Variants in ARMC2 observed in about 807,000 individuals in gnomAD.
ARMC2 encodes the protein armadillo repeat-containing protein 2.
In ARMC2, 67 loss-of-function variants were observed where a neutral mutation model predicts 90.3. That is an observed-to-expected ratio of 0.74 (90% CI 0.61 to 0.91). ARMC2 has a LOEUF of 0.91. Among genes scored for constraint, ARMC2 ranks in the 40% least tolerant of loss-of-function variants. The pLI is 0.00. For missense variants in ARMC2, 920 were observed against 1,030.9 expected (o/e 0.89, Z 1.47); for synonymous variants, 393 against 393.0 (o/e 1.00, Z 0.00).
rs1251657490 is a variant in ARMC2, at chr6:108,911,053, T to G, written c.1126+52T>G. 5.2e-6 allele frequency: 6 copies of G among 1,144,666 alleles called. No individual in the cohort carries two copies. The African/African-American group carries it at 9.5e-5, about 18-fold the overall frequency. 70.9% of individuals were successfully genotyped at this position (1,144,666 alleles called of 1,614,324 possible). A position where few individuals can be genotyped will look rare whatever the true frequency, so the allele number is the denominator to read the frequency against. ...AGCAAATGCTGTACTTGAGTAAAAA[T>G]TAGAAGTCTGGAGAGAAAATATATA... On this transcript the variant is annotated intron_variant, in intron 9 of 17. Transcript: ENST00000392644.
chr6:109,037,285 T>G, the ARMC2 span, among the ~76,000 whole-genome samples: 13 of 152,190 alleles, frequency 8.5e-5, no homozygotes, highest in African/African-American at 3.1e-4. Context: ...AAAAATTTTG[T>G]TTTTTCTCTT....
chr6:109,024,055 T>C, the ARMC2 span, among the ~76,000 whole-genome samples: 4 of 152,150 alleles, frequency 2.6e-5, no homozygotes, highest in African/African-American at 7.2e-5. Context: ...ACTATTGATA[T>C]AGCAACATTT....
intron 8 of ARMC2, chr6:108,907,777 A>T: frequency 2.5e-6 from 4 of 1,610,652 alleles, no homozygotes; most frequent in Non-Finnish European, 3.4e-6. Flanking sequence ...CGAAAATGCC[A>T]CTAGGGCTGA....
chr6:109,025,851 T>A, the ARMC2 span, among the ~76,000 whole-genome samples: 2 of 151,542 alleles, frequency 1.3e-5, no homozygotes, highest in African/African-American at 4.8e-5. Context: ...GTCTAATACA[T>A]ATATAATTGG....
the ARMC2 span, among the ~76,000 whole-genome samples, chr6:108,989,439 C>G: frequency 6.2e-5 from 9 of 146,254 alleles, no homozygotes; most frequent in Non-Finnish European, 1.4e-4. Context: ...ATATCTAGAT[C>G]TAGATACATC....
chr6:108,987,804 A>C, the ARMC2 span, among the ~76,000 whole-genome samples: 1 of 106,620 alleles, frequency 9.4e-6, no homozygotes, highest in African/African-American at 4.1e-5. Context: ...AACAGCAGCT[A>C]TCTTTTTTTT....
intron 13 of ARMC2, among the ~76,000 whole-genome samples, chr6:108,955,774 C>T (rs555951903): frequency 1.3e-5 from 2 of 152,334 alleles, no homozygotes; most frequent in South Asian, 2.1e-4. Context: ...AACCTCAAAA[C>T]GTTCAGCATT....
chr6:109,012,660 G>A, the ARMC2 span, among the ~76,000 whole-genome samples: 3 of 152,116 alleles, frequency 2.0e-5, no homozygotes, highest in Non-Finnish European at 4.4e-5. Flanking sequence ...GAAAATTTGG[G>A]GGAGAGTTTG....
intron 17 of ARMC2, among the ~76,000 whole-genome samples, chr6:108,968,507 T>C (rs975014628): frequency 2.0e-5 from 3 of 152,196 alleles, no homozygotes; most frequent in Admixed American, 6.5e-5. Context: ...CCATGGGGAC[T>C]GTGCCTTGTG....
chr6:108,872,559 C>T (rs1776530390), intron 4 of ARMC2, among the ~76,000 whole-genome samples: 2 of 152,128 alleles, frequency 1.3e-5, no homozygotes, highest in African/African-American at 4.8e-5. Flanking sequence ...TGGGTGGATG[C>T]GAGGCCCTCA....
chr6:108,989,523 A>C, the ARMC2 span, among the ~76,000 whole-genome samples: 1 of 148,672 alleles, frequency 6.7e-6, no homozygotes, highest in South Asian at 2.1e-4. Context: ...ATATAGAGAG[A>C]TATCTATAGA....
downstream of ARMC2, chr6:108,974,554 C>T (rs911891911): frequency 1.3e-5 from 2 of 152,180 alleles, no homozygotes; most frequent in African/African-American, 4.8e-5. Flanking sequence ...CTGGCTCACA[C>T]CTGTAATTCA....
chr6:108,975,831 C>T (rs1216399565), downstream of ARMC2, among the ~76,000 whole-genome samples: 1 of 152,020 alleles, frequency 6.6e-6, no homozygotes, highest in Non-Finnish European at 1.5e-5. Flanking sequence ...TATCCTTTGC[C>T]CACTTTTTGA....
chr6:108,999,722 C>A, the ARMC2 span, among the ~76,000 whole-genome samples: 1 of 152,078 alleles, frequency 6.6e-6, no homozygotes, highest in African/African-American at 2.4e-5. Context: ...CAGTTTCTTA[C>A]AAAGGTAAAC....
intron 11 of ARMC2, among the ~76,000 whole-genome samples, chr6:108,929,727 C>A (rs757825187): frequency 2.0e-5 from 3 of 152,206 alleles, no homozygotes; most frequent in African/African-American, 4.8e-5. Context: ...AAGTGATCCT[C>A]CTGCCTCAGC....
At chr6:108,868,538 G>C (rs1336656333) in intron 3 of ARMC2, among the ~76,000 whole-genome samples, 1 of 152,156 alleles carries the variant, frequency 6.6e-6, no homozygotes, top group African/African-American at 2.4e-5. Flanking sequence ...CTTTTATACA[G>C]ATAATATCTG....
Position 108,965,027 on chromosome 6 carries a change from C to G in ARMC2, c.2333C>G (p.Ala778Gly), listed in dbSNP as rs1312826005. The G allele has an allele frequency of 6.2e-7, 1 of 1,613,430 alleles. No individual in the cohort carries two copies. Among genetic ancestry groups the G allele is most frequent in the African/African-American group, 1.3e-5 (1 of 74,880 alleles). ...RDLGPTDWQL[A>G]CLVCKTLWNF... The stretch of plus-strand genomic sequence containing the variant: ...TTGGGTCCTACTGATTGGCAGCTGG[C>G]CTGCTTGGTTTGTAAAACTTTATGG... Residue 778 changes from alanine (A) to glycine (G), a missense_variant, in exon 17 of 18, where the codon GCC becomes GGC. By Grantham distance (60) the Ala-to-Gly change is moderately conservative (BLOSUM62 0). Coordinates refer to ENST00000392644, the MANE Select transcript of ARMC2 (RefSeq NM_032131.6).
At chr6:108,988,271 C>G in the ARMC2 span, 2 of 282,144 alleles carry the variant, frequency 7.1e-6, no homozygotes, top group Middle Eastern at 1.0e-3. Flanking sequence ...TCTACCTATA[C>G]ACAGCTTTTA....
chr6:108,907,312 A>G (rs972560778), intron 8 of ARMC2, among the ~76,000 whole-genome samples: 4 of 152,132 alleles, frequency 2.6e-5, no homozygotes, highest in Admixed American at 2.6e-4. Flanking sequence ...TACATACTAC[A>G]TATAGAAAGA....
Sources: gnomAD v4.1 joint callset for allele counts (sites outside exome capture counted in the v4.1 genomes callset) on GRCh38, gnomAD v4.1.1 for gene constraint, MANE v1.5 for transcripts, NCBI Gene and HGNC (gene_info 2026-07-23, HGNC 2026-07-21) for gene names.